AUTS2: variants seen among roughly 807,000 people sequenced by gnomAD.
The protein encoded by AUTS2 is autism susceptibility gene 2 protein.
Under a neutral mutation model 112.4 loss-of-function variants are expected in AUTS2, and 17 were observed. The ratio of observed to expected loss-of-function variants is 0.15; its 90% CI spans 0.10 to 0.23. The LOEUF (loss-of-function observed/expected upper bound fraction) is 0.23. Among genes scored for constraint, AUTS2 ranks in the 10% least tolerant of loss-of-function variants. The pLI is 1.00. For synonymous variants in AUTS2, 751 were observed against 702.7 expected, an observed-to-expected ratio of 1.07 and a Z score of -1.09; for missense variants, 1,510 against 1,701.6, an observed-to-expected ratio of 0.89 and a Z score of 1.98.
At chr7:70,711,480 C>G (rs368364355) in intron 6 of AUTS2, among the ~76,000 whole-genome samples, 2 of 152,158 alleles carry the variant, frequency 1.3e-5, no homozygotes, top group Non-Finnish European at 2.9e-5. Context: ...AATACCTGCT[C>G]GACATCCTGG....
rs539173844 is a variant in AUTS2, at chr7:70,559,872, T to C, written c.690+124091T>C. Among the ~76,000 whole-genome samples the C allele has an allele frequency of 5.9e-5, 9 of 152,268 alleles. No individual in the cohort carries two copies. The East Asian group carries it at 9.6e-4, about 16-fold the overall frequency. On this transcript the variant is annotated intron_variant, in intron 5 of 18. Transcript: ENST00000342771. ...ACCTATAATGATGTCAGTTTCAAAATTGTGATTTCCAAACCATTAGCTGCA... is the reference window on the plus strand; with the variant it reads ...ACCTATAATGATGTCAGTTTCAAAACTGTGATTTCCAAACCATTAGCTGCA...
intron 5 of AUTS2, among the ~76,000 whole-genome samples, chr7:70,595,336 G>A (rs1007003001): frequency 2.0e-5 from 3 of 152,142 alleles, no homozygotes; most frequent in African/African-American, 7.2e-5. Context: ...TGCCCACTCC[G>A]TTTCCTACTA....
intron 1 of AUTS2, among the ~76,000 whole-genome samples, chr7:69,882,739 TGTA>T (rs1794110059): frequency 6.6e-6 from 1 of 152,212 alleles, no homozygotes; most frequent in South Asian, 2.1e-4. Flanking sequence ...CACAGGGTAT[TGTA>T]GTAATTAAAT....
intron 4 of AUTS2, among the ~76,000 whole-genome samples, chr7:70,135,983 C>T (rs1192306149): frequency 6.6e-6 from 1 of 152,152 alleles, no homozygotes; most frequent in Non-Finnish European, 1.5e-5. Flanking sequence ...TACCTTAGTC[C>T]TTGATCACTT....
chr7:69,776,136 A>ACCCC (rs1788885493), intron 1 of AUTS2, among the ~76,000 whole-genome samples: 2 of 152,224 alleles, frequency 1.3e-5, no homozygotes, highest in Admixed American at 6.5e-5. Flanking sequence ...GGGGTCAGGC[A>ACCCC]CAGTTATAGC....
rs781281055 is a variant in AUTS2 at position 70,156,891 on chromosome 7, TAAAAAAAAAAAAAAAAA to T, written c.660+22340_660+22356del. 1.4e-3 allele frequency among the ~76,000 whole-genome samples: 52 copies of T among 37,880 alleles called. 1 individual carries two copies. The highest frequency in any genetic ancestry group is 0.012 in the East Asian group (14 of 1,186). The allele number at this position is 37,880 out of a possible 152,430, so 24.9% of individuals were successfully genotyped here. A position where few individuals can be genotyped will look rare whatever the true frequency, so the allele number is the denominator to read the frequency against. ...AGTGAAACCCCATCTCTACTAAAAGTAAAAAAAAAAAAAAAAAAAAAAAAAAAAAAAAAAAATTAGCT... is the reference window on the plus strand; with the variant it reads ...AGTGAAACCCCATCTCTACTAAAAGTAAAAAAAAAAAAAAAAAAATTAGCT... On this transcript the variant is annotated intron_variant, in intron 4 of 18. Coordinates refer to ENST00000342771, the MANE Select transcript of AUTS2 (RefSeq NM_015570.4).
At chr7:69,955,408 C>T (rs1429388281) in intron 2 of AUTS2, among the ~76,000 whole-genome samples, 1 of 152,136 alleles carries the variant, frequency 6.6e-6, no homozygotes, top group Admixed American at 6.6e-5. Context: ...AAGAAGAAAT[C>T]ATCTGTTGTG....
At chr7:70,149,605 A>T (rs542322912) in intron 4 of AUTS2, among the ~76,000 whole-genome samples, 2 of 152,174 alleles carry the variant, frequency 1.3e-5, no homozygotes, top group South Asian at 2.1e-4. Context: ...AATTGACAAC[A>T]ATGAACACAT....
intron 4 of AUTS2, among the ~76,000 whole-genome samples, chr7:70,274,398 G>A (rs1584959272): frequency 1.3e-5 from 2 of 151,874 alleles, no homozygotes; most frequent in East Asian, 1.9e-4. Flanking sequence ...TGGCTCAAGC[G>A]ATCCTCCCAC....
At chr7:70,179,950 C>T (rs907611685) in intron 4 of AUTS2, among the ~76,000 whole-genome samples, 2 of 152,138 alleles carry the variant, frequency 1.3e-5, no homozygotes, top group Non-Finnish European at 2.9e-5. Context: ...GTAGTGGTCA[C>T]AGGAGCTCTA....
chr7:70,407,007 C>T (rs1458631967), intron 4 of AUTS2, among the ~76,000 whole-genome samples: 1 of 152,226 alleles, frequency 6.6e-6, no homozygotes, highest in Non-Finnish European at 1.5e-5. Flanking sequence ...ACATCAAGGA[C>T]TTCCTGCATA....
intron 1 of AUTS2, among the ~76,000 whole-genome samples, chr7:69,665,675 G>A (rs1347987081): frequency 6.6e-6 from 1 of 152,094 alleles, no homozygotes; most frequent in African/African-American, 2.4e-5. Context: ...AAATTTTTCT[G>A]TTTAACTTGT....
chr7:69,949,714 T>G (rs1796953611), intron 2 of AUTS2, among the ~76,000 whole-genome samples: 1 of 152,210 alleles, frequency 6.6e-6, no homozygotes, highest in African/African-American at 2.4e-5. Context: ...CTCCATGAAC[T>G]TTCCATGATG....
chr7:69,770,881 A>G (rs1049237900), intron 1 of AUTS2, among the ~76,000 whole-genome samples: 1 of 152,164 alleles, frequency 6.6e-6, no homozygotes, highest in African/African-American at 2.4e-5. Context: ...CGATCTGTTC[A>G]TGAACACCAG....
Position 69,824,231 on chromosome 7 carries a change from G to T in AUTS2, c.310-75055G>T, listed in dbSNP as rs138418605. On this transcript the variant is annotated intron_variant, in intron 1 of 18. Coordinates refer to ENST00000342771, the MANE Select transcript of AUTS2 (RefSeq NM_015570.4). ...GTTCGAGACCATCCTGGCTAACACG[G>T]TGAAACCCCATCTCTACTAAAAATA... Among the ~76,000 whole-genome samples, 69 of 152,114 alleles carry T rather than the reference G, an allele frequency of 4.5e-4. 1 individual carries two copies. The East Asian group carries it at 0.013, about 29-fold the overall frequency.
At position 70,775,497 on chromosome 7, in the gene AUTS2, T is replaced by C; in HGVS notation, c.1932+111T>C. On this transcript the variant is annotated intron_variant, in intron 13 of 18. Transcript: ENST00000342771. ...GCCATAGAAATGTTGGAATAAGACA[T>C]TGGAATGACGGTGATTGGGTTTTTC... The C allele has an allele frequency of 4.5e-6, 4 of 886,442 alleles. No individual in the cohort carries two copies. The Middle Eastern group carries it at 6.8e-4, about 150-fold the overall frequency. 54.9% of individuals were successfully genotyped at this position (886,442 alleles called of 1,614,324 possible). A position where few individuals can be genotyped will look rare whatever the true frequency, so the allele number is the denominator to read the frequency against.
At chr7:70,560,233 A>G (rs1049212756) in intron 5 of AUTS2, among the ~76,000 whole-genome samples, 2 of 151,730 alleles carry the variant, frequency 1.3e-5, no homozygotes, top group Non-Finnish European at 1.5e-5. Flanking sequence ...ACCCCAAATC[A>G]CTCTATCTAC....
rs151064731 is a variant in AUTS2, at chr7:70,166,812, A to G, written c.660+32241A>G. ...ATATAATTGGTCAGTTAAAAAGCAG[A>G]GATTATAAAATTGGATAGAAAGTAA... is the stretch of plus-strand genomic sequence containing the variant. On this transcript the variant is annotated intron_variant, in intron 4 of 18. Coordinates refer to ENST00000342771, the MANE Select transcript of AUTS2 (RefSeq NM_015570.4). 1.5e-3 allele frequency among the ~76,000 whole-genome samples: 223 copies of G among 152,352 alleles called. 1 individual carries two copies. In the East Asian group the frequency reaches 0.017, roughly 12 times the overall value.
In AUTS2 at chr7:70,631,808, G is replaced by A. The variant is rs1270144922; in HGVS notation, c.691-66761G>A. 6.6e-6 allele frequency among the ~76,000 whole-genome samples: 1 copy of A among 152,038 alleles called. No homozygotes were observed. The highest frequency in any genetic ancestry group is 6.5e-5 in the Admixed American group (1 of 15,278). On this transcript the variant is annotated intron_variant, in intron 5 of 18. Transcript: ENST00000342771. The surrounding 1 kb of genome is among the most constrained non-coding windows in gnomAD (Gnocchi z 4.5). ...TGCTTGACAGCATCTCCAGCCCCGC[G>A]CCCGTGTGTGCTAACTTGCTAGGGG...
Sources: gnomAD v4.1 joint callset for allele counts (sites outside exome capture counted in the v4.1 genomes callset) on GRCh38, gnomAD v4.1.1 for gene constraint, Gnocchi (gnomAD v3.1) non-coding constraint, MANE v1.5 for transcripts, NCBI Gene and HGNC (gene_info 2026-07-23, HGNC 2026-07-21) for gene names.